Variants in PCDHA5 observed in about 807,000 individuals in gnomAD.
PCDHA5 encodes the protein protocadherin alpha 5.
A neutral mutation model predicts 61.6 loss-of-function variants in PCDHA5; 43 were observed. The ratio of observed to expected loss-of-function variants is 0.70; its 90% CI spans 0.55 to 0.90. The LOEUF (loss-of-function observed/expected upper bound fraction) is 0.90, where lower values mean the gene tolerates loss of function less well. PCDHA5 is among the 40% of genes least tolerant of loss of function. The pLI is 0.00. For missense variants in PCDHA5, 1,298 were observed against 1,222.7 expected, an observed-to-expected ratio of 1.06 and a Z score of -0.92; for synonymous variants, 627 against 543.9, an observed-to-expected ratio of 1.15 and a Z score of -2.13.
intron 1 of PCDHA5, among the ~76,000 whole-genome samples, chr5:140,977,234 A>G (rs2096751203): frequency 1.3e-5 from 2 of 152,242 alleles, no homozygotes; most frequent in Non-Finnish European, 2.9e-5. Flanking sequence ...CCAATCATAG[A>G]AAAATTGGCA....
At chr5:140,944,335 G>A (rs1196825895) in intron 1 of PCDHA5, among the ~76,000 whole-genome samples, 1 of 151,986 alleles carries the variant, frequency 6.6e-6, no homozygotes, top group African/African-American at 2.4e-5. Context: ...TTACAAGCAC[G>A]TGCCACCACA....
chr5:140,959,107 C>A (rs1330357931), intron 1 of PCDHA5, among the ~76,000 whole-genome samples: 1 of 151,920 alleles, frequency 6.6e-6, no homozygotes, highest in South Asian at 2.1e-4. Context: ...CAGCAGGGGT[C>A]CGAAGGTGGG....
At chr5:141,002,948 C>A (rs2098104348) in intron 3 of PCDHA5, among the ~76,000 whole-genome samples, 1 of 152,152 alleles carries the variant, frequency 6.6e-6, no homozygotes, top group African/African-American at 2.4e-5. Flanking sequence ...CAGCACATGC[C>A]CCTCTGAGAG....
chr5:140,835,609 T>C, intron 1 of PCDHA5: 2 of 1,613,962 alleles, frequency 1.2e-6, no homozygotes, highest in South Asian at 2.2e-5. Flanking sequence ...TCATTGGTGC[T>C]GGACAGCGCT....
At chr5:140,900,695 C>T (rs889860103) in intron 1 of PCDHA5, among the ~76,000 whole-genome samples, 4 of 152,170 alleles carry the variant, frequency 2.6e-5, no homozygotes, top group Non-Finnish European at 5.9e-5. Context: ...TACTGATTTC[C>T]GTTCTTTTGG....
At chr5:140,850,853 G>T in intron 1 of PCDHA5, 1 of 1,595,240 alleles carries the variant, frequency 6.3e-7, no homozygotes, top group Non-Finnish European at 8.6e-7. Context: ...CAGAGCGAAC[G>T]GGAGAACCCT....
At chr5:140,924,227 TA>T (rs2153571643) in intron 1 of PCDHA5, among the ~76,000 whole-genome samples, 1 of 152,354 alleles carries the variant, frequency 6.6e-6, no homozygotes, top group East Asian at 1.9e-4. Flanking sequence ...GTTCAATTTT[TA>T]TGGGCTGTTT....
chr5:140,855,670 T>G (rs1581372681), intron 1 of PCDHA5, among the ~76,000 whole-genome samples: 2 of 149,924 alleles, frequency 1.3e-5, no homozygotes, highest in African/African-American at 4.9e-5. Context: ...ATCACTACTC[T>G]GAGAGTCTAC....
chr5:140,993,819 G>A (rs2097583362), intron 3 of PCDHA5, among the ~76,000 whole-genome samples: 1 of 152,142 alleles, frequency 6.6e-6, no homozygotes, highest in Non-Finnish European at 1.5e-5. Context: ...AGGAGCAATA[G>A]GCTATACCAT....
intron 1 of PCDHA5, chr5:140,842,836 G>C: frequency 6.3e-7 from 1 of 1,593,818 alleles, no homozygotes; most frequent in Non-Finnish European, 8.6e-7. Context: ...GCTCGCTGTC[G>C]AGCTACATTT....
rs1007978772 is a variant in PCDHA5 at position 140,843,987 on chromosome 5, G to C, written c.2352+19860G>C. 1.2e-4 allele frequency among the ~76,000 whole-genome samples: 18 copies of C among 149,540 alleles called. 1 individual carries two copies. Among genetic ancestry groups the C allele is most frequent in the African/African-American group, 4.2e-4 (17 of 40,920 alleles). On this transcript the variant is annotated intron_variant, in intron 1 of 3. Transcript: ENST00000529859. ...ATTTATTTTGGCCTGCCTTACAGCCGTCTTCTCTGAACAATACTCTAAGGA... is the reference window on the plus strand; with the variant it reads ...ATTTATTTTGGCCTGCCTTACAGCCCTCTTCTCTGAACAATACTCTAAGGA...
intron 3 of PCDHA5, among the ~76,000 whole-genome samples, chr5:141,009,383 C>T (rs2098407441): frequency 6.6e-6 from 1 of 152,198 alleles, no homozygotes; most frequent in African/African-American, 2.4e-5. Flanking sequence ...TGATTGAGCA[C>T]AGGAGGTCGA....
In PCDHA5 at chr5:140,822,027, T is replaced by C; in HGVS notation, c.252T>C (p.Phe84=). 6.2e-7 allele frequency: 1 copy of C among 1,614,174 alleles called. No homozygotes were observed. Residue 84 remains phenylalanine, a synonymous_variant, in exon 1 of 4, where the codon TTT becomes TTC. Coordinates refer to ENST00000529859, the MANE Select transcript of PCDHA5 (RefSeq NM_018908.3). ...LEVNLQNGIL[F]VNSRIDREEL... The stretch of plus-strand genomic sequence containing the variant: ...TAAATCTGCAGAATGGCATTTTGTT[T>C]GTGAATTCTCGGATCGACCGGGAGG...
chr5:140,840,146 G>A (rs2150303879), intron 1 of PCDHA5, among the ~76,000 whole-genome samples: 10 of 152,008 alleles, frequency 6.6e-5, no homozygotes, highest in Admixed American at 3.3e-4. Flanking sequence ...ATTATCACAC[G>A]TGAAAGGAGA....
intron 1 of PCDHA5, chr5:140,870,411 C>T: frequency 6.2e-7 from 1 of 1,614,212 alleles, no homozygotes; most frequent in East Asian, 2.2e-5. Context: ...CTCTGTGGGC[C>T]ACGGCCAGGG....
Position 141,009,803 on chromosome 5 carries a change from C to G in PCDHA5, c.2677C>G (p.Gln893Glu). 6.2e-7 allele frequency: 1 copy of G among 1,613,968 alleles called. No individual in the cohort carries two copies. The highest frequency in any genetic ancestry group is 8.5e-7 in the Non-Finnish European group (1 of 1,179,994). ...CATCCGGCAGGAGCCTACTAACAGC[C>G]AAATTGACAAAAGTGACTTCATAAC... ...ISIRQEPTNS[Q>E]IDKSDFITFG... Residue 893 changes from glutamine to glutamate, a missense_variant, in exon 4 of 4, where the codon CAA (glutamine) becomes GAA (glutamate). Physicochemically the swap from Gln to Glu is conservative, Grantham distance 29 (BLOSUM62 2). Coordinates refer to ENST00000529859, the MANE Select transcript of PCDHA5 (RefSeq NM_018908.3).
chr5:140,891,893 CAAG>C (rs2063302978), intron 1 of PCDHA5, among the ~76,000 whole-genome samples: 1 of 152,210 alleles, frequency 6.6e-6, no homozygotes, highest in Non-Finnish European at 1.5e-5. Flanking sequence ...GACGATGCAG[CAAG>C]AAGATCTTCA....
In PCDHA5 at chr5:140,982,572, C is replaced by T; in HGVS notation, c.2500+9C>T. On this transcript the variant is annotated intron_variant, in intron 3 of 3. Coordinates refer to ENST00000529859, the MANE Select transcript of PCDHA5 (RefSeq NM_018908.3). ...ATCCAGTGCAACACCAGGTAAAGAG[C>T]TGGGGTCTCTCCATTCTTTCTTGGT... is the stretch of plus-strand genomic sequence containing the variant. 4 of 1,613,760 alleles carry T rather than the reference C, an allele frequency of 2.5e-6. No homozygotes were observed. Among genetic ancestry groups the T allele is most frequent in the Non-Finnish European group, 3.4e-6 (4 of 1,179,726 alleles).
intron 1 of PCDHA5, chr5:140,967,118 C>T: frequency 6.2e-7 from 1 of 1,612,940 alleles, no homozygotes; most frequent in Non-Finnish European, 8.5e-7. Context: ...GCCTCGCTGC[C>T]TGCTCAGCTT....
Sources: gnomAD v4.1 joint callset for allele counts (sites outside exome capture counted in the v4.1 genomes callset) on GRCh38, gnomAD v4.1.1 for gene constraint, MANE v1.5 for transcripts, NCBI Gene and HGNC (gene_info 2026-07-23, HGNC 2026-07-21) for gene names.